The following RFC1 variants were observed in gnomAD, a reference collection of about 807,000 sequenced individuals.
The protein encoded by RFC1 is replication factor C subunit 1, also known as A1 140 kDa subunit.
A neutral mutation model predicts 137.4 loss-of-function variants in RFC1; 37 were observed. The observed-to-expected ratio is 0.27, with a 90% CI of 0.21 to 0.35. The LOEUF (loss-of-function observed/expected upper bound fraction) is 0.35, where lower values mean the gene tolerates loss of function less well. Ranked by LOEUF, RFC1 falls within the 10% of genes least tolerant of loss-of-function variation. The probability of loss-of-function intolerance (pLI) is 1.00; values close to 1 mark genes in which losing one functional copy is unlikely to be tolerated. For synonymous variants in RFC1, 429 were observed against 455.7 expected, an observed-to-expected ratio of 0.94 and a Z score of 0.75; for missense variants, 1,205 against 1,358.5, an observed-to-expected ratio of 0.89 and a Z score of 1.78.
chr4:39,348,190 G>C (rs907626276), intron 2 of RFC1, among the ~76,000 whole-genome samples: 3 of 151,980 alleles, frequency 2.0e-5, no homozygotes, highest in African/African-American at 7.2e-5. Flanking sequence ...CATTGTGGGA[G>C]ACAGGCCAAT....
chr4:39,307,270 C>T (rs927871423), intron 13 of RFC1: 1 of 157,654 alleles, frequency 6.3e-6, no homozygotes, highest in African/African-American at 2.4e-5. Context: ...CCTTGTGCCC[C>T]TCAACACTAC....
intron 22 of RFC1, 58 bp from the exon 23 acceptor site, chr4:39,291,910 G>A (rs1454072659): frequency 5.0e-6 from 6 of 1,196,252 alleles, no homozygotes; most frequent in African/African-American, 4.5e-5. Flanking sequence ...AAGTCATACT[G>A]TGCATAACAG....
At chr4:39,295,103 T>C (rs1263879679) in intron 22 of RFC1, among the ~76,000 whole-genome samples, 1 of 152,246 alleles carries the variant, frequency 6.6e-6, no homozygotes, top group East Asian at 1.9e-4. Context: ...GCAAGTATTT[T>C]TGAACTTCCT....
chr4:39,313,889 G>A (rs899447352), intron 10 of RFC1, among the ~76,000 whole-genome samples: 1 of 152,098 alleles, frequency 6.6e-6, no homozygotes, highest in Admixed American at 6.6e-5. Flanking sequence ...TAATATAAGA[G>A]ATACTTGCCA....
intron 4 of RFC1, among the ~76,000 whole-genome samples, chr4:39,334,653 AG>A (rs1285970707): frequency 6.6e-6 from 1 of 152,226 alleles, no homozygotes; most frequent in Non-Finnish European, 1.5e-5. Flanking sequence ...TCTTCTCCCC[AG>A]AAACTTACAA....
chr4:39,296,408 C>A (rs1228443098), intron 21 of RFC1, among the ~76,000 whole-genome samples: 1 of 99,680 alleles, frequency 1.0e-5, no homozygotes, highest in Non-Finnish European at 2.0e-5. Flanking sequence ...CCCCCTCCCC[C>A]CACCCCACCA....
In RFC1 at chr4:39,311,480, T is replaced by G. The variant is rs754480413; in HGVS notation, c.1453A>C (p.Lys485Gln). The G allele has an allele frequency of 6.2e-7, 1 of 1,614,120 alleles. No individual in the cohort carries two copies. The highest frequency in any genetic ancestry group is 8.5e-7 in the Non-Finnish European group (1 of 1,179,996). Residue 485 changes from lysine (K) to glutamine (Q), a missense_variant, in exon 12 of 25, where the codon AAG (lysine) becomes CAG (glutamine). By Grantham distance (53) the Lys-to-Gln change is moderately conservative. Transcript: ENST00000349703. ...LLNLIRTMPG[K>Q]KSKYEIAVET... The stretch of plus-strand genomic sequence containing the variant: ...ACTGCTATTTCATACTTGGATTTCT[T>G]GCCTGGCATAGTCCGAATCAGATTC...
intron 4 of RFC1, among the ~76,000 whole-genome samples, chr4:39,334,407 T>C (rs533228148): frequency 3.9e-4 from 60 of 152,162 alleles, no homozygotes; most frequent in African/African-American, 1.2e-3. Context: ...CAATATATTA[T>C]GGAAAGAAGA....
intron 9 of RFC1, chr4:39,317,799 AT>A (rs1312649887): frequency 1.3e-5 from 2 of 151,928 alleles, no homozygotes; most frequent in African/African-American, 4.8e-5. Context: ...CTATTTTAAC[AT>A]TATTTTTAAC....
At chr4:39,305,524 C>G (rs1227868806) in intron 14 of RFC1, among the ~76,000 whole-genome samples, 1 of 152,112 alleles carries the variant, frequency 6.6e-6, no homozygotes, top group Non-Finnish European at 1.5e-5. Context: ...ATGAGAATCA[C>G]TTGAACCTGG....
chr4:39,359,708 G>T (rs1741653779), intron 1 of RFC1, among the ~76,000 whole-genome samples: 1 of 151,886 alleles, frequency 6.6e-6, no homozygotes, highest in Non-Finnish European at 1.5e-5. Context: ...TGTAGTCCCA[G>T]CTACTCAGGA....
In RFC1 at chr4:39,329,127, C is replaced by CAAAAAAAAAAAAAAAAA. The variant is rs71594924; in HGVS notation, c.332-1388_332-1372dup. ...TAAATTTGTTTGCTTCAGTGACTCA[C>CAAAAAAAAAAAAAAAAA]AAAAAAAAAAAAAAAAAAAAAAAAA... On this transcript the variant is annotated intron_variant, in intron 4 of 24. Coordinates refer to ENST00000349703, the MANE Select transcript of RFC1 (RefSeq NM_002913.5). 1.8e-3 allele frequency among the ~76,000 whole-genome samples: 56 copies of CAAAAAAAAAAAAAAAAA among 31,658 alleles called. 8 individuals are homozygous for CAAAAAAAAAAAAAAAAA. The highest frequency in any genetic ancestry group is 5.1e-3 in the East Asian group (2 of 390). The allele number at this position is 31,658 out of a possible 152,430, so 20.8% of individuals were successfully genotyped here.
At chr4:39,312,414 A>T (rs933124942) in intron 11 of RFC1, among the ~76,000 whole-genome samples, 1 of 152,218 alleles carries the variant, frequency 6.6e-6, no homozygotes, top group Non-Finnish European at 1.5e-5. Context: ...ACACCAATTT[A>T]AAAAAACCTA....
chr4:39,288,925 A>AGTAAATGAAATAAGT, intron 24 of RFC1, 81 bp from the exon 25 acceptor site: 1 of 881,456 alleles, frequency 1.1e-6, no homozygotes, highest in African/African-American at 1.8e-5. Flanking sequence ...AACAAATCTA[A>AGTAAATGAAATAAGT]TCTTTACCTG....
intron 9 of RFC1, among the ~76,000 whole-genome samples, chr4:39,318,407 ATT>A (rs1030338057): frequency 9.9e-5 from 15 of 152,230 alleles, no homozygotes; most frequent in Admixed American, 9.8e-4. Flanking sequence ...TGGAAAAACG[ATT>A]AATTTACGAC....
At chr4:39,292,174 G>T in intron 22 of RFC1, 1 of 290,456 alleles carries the variant, frequency 3.4e-6, no homozygotes, top group South Asian at 5.1e-5. Context: ...AATATGACTC[G>T]TTCCAAGTTC....
At chr4:39,326,175 G>A (rs1739753998) in intron 6 of RFC1, among the ~76,000 whole-genome samples, 1 of 152,126 alleles carries the variant, frequency 6.6e-6, no homozygotes, top group Admixed American at 6.6e-5. Context: ...ACTCCAGCCT[G>A]GGCAACAAAG....
intron 4 of RFC1, among the ~76,000 whole-genome samples, chr4:39,330,403 T>G (rs189976748): frequency 6.6e-6 from 1 of 152,324 alleles, no homozygotes; most frequent in Admixed American, 6.5e-5. Flanking sequence ...AAAGCAAGCA[T>G]GTAGTAGAAA....
At chr4:39,327,900 G>T in intron 4 of RFC1, 144 bp from the exon 5 acceptor site, 1 of 636,344 alleles carries the variant, frequency 1.6e-6, no homozygotes, top group Non-Finnish European at 2.7e-6. Flanking sequence ...TGGAGACCAA[G>T]ATAGGAGAAT....
Sources: gnomAD v4.1 joint callset for allele counts (sites outside exome capture counted in the v4.1 genomes callset) on GRCh38, gnomAD v4.1.1 for gene constraint, MANE v1.5 for transcripts, NCBI Gene and HGNC (gene_info 2026-07-23, HGNC 2026-07-21) for gene names.